The following SLIT3 variants were observed in gnomAD, a reference collection of about 807,000 sequenced individuals.
The protein encoded by SLIT3 is slit guidance ligand 3.
In SLIT3, 68 loss-of-function variants were observed where a neutral mutation model predicts 184.0. The observed-to-expected ratio is 0.37, with a 90% CI of 0.30 to 0.45. The LOEUF is 0.45. Among genes scored for constraint, SLIT3 ranks in the 20% least tolerant of loss-of-function variants. The probability of loss-of-function intolerance (pLI) is 1.00; values close to 1 mark genes in which losing one functional copy is unlikely to be tolerated. For synonymous variants in SLIT3, 831 were observed against 828.6 expected (o/e 1.00, Z -0.05); for missense variants, 1,707 against 2,026.0 (o/e 0.84, Z 3.02).
intron 4 of SLIT3, among the ~76,000 whole-genome samples, chr5:168,948,098 T>C (rs9313432): frequency 0.02 from 2,979 of 151,594 alleles, 109 homozygotes; most frequent in African/African-American, 0.068. Flanking sequence ...GGCCAAGTTG[T>C]TTTTATTATT....
chr5:169,042,864 G>A (rs1389817060), intron 4 of SLIT3, among the ~76,000 whole-genome samples: 1 of 152,066 alleles, frequency 6.6e-6, no homozygotes, highest in Non-Finnish European at 1.5e-5. Context: ...AAGAAAAACT[G>A]GAAACGATCT....
rs757795227 is a variant in SLIT3 at position 168,762,663 on chromosome 5, T to C, written c.1486A>G (p.Ser496Gly). 1.9e-6 allele frequency: 3 copies of C among 1,614,004 alleles called. No homozygotes were observed. Among genetic ancestry groups the C allele is most frequent in the Non-Finnish European group, 2.5e-6 (3 of 1,179,956 alleles). The change falls in exon 15 of 36, where the codon AGC becomes GGC. Residue 496 changes from serine (S) to glycine (G), a missense_variant. Transcript: ENST00000519560. Reference protein sequence around the residue: ...SGSEDYRSRFSSECFMDLVCP... With the variant: ...SGSEDYRSRFGSECFMDLVCP... ...ACGAGGTCCATGAAGCACTCGCTGC[T>C]GAACCTGCTGCGGTAATCCTCGGAG...
chr5:169,033,953 C>T lies in SLIT3; in HGVS notation c.414-150617G>A, dbSNP rs575420166. Among the ~76,000 whole-genome samples, 144 of 151,984 alleles carry T rather than the reference C, an allele frequency of 9.5e-4. 1 individual carries two copies. Among genetic ancestry groups the T allele is most frequent in the Admixed American group, 1.6e-3 (24 of 15,256 alleles). On this transcript the variant is annotated intron_variant, in intron 4 of 35. Coordinates refer to ENST00000519560, the MANE Select transcript of SLIT3 (RefSeq NM_003062.4). The stretch of plus-strand genomic sequence containing the variant: ...TCAGCCTCCCGAGTAGCTGGGACTA[C>T]AGGTGTCCACCACCACGCCCGGCTA...
At chr5:168,737,476 CATGCAT>C (rs1165317692) in intron 20 of SLIT3, among the ~76,000 whole-genome samples, 2 of 152,170 alleles carry the variant, frequency 1.3e-5, no homozygotes, top group African/African-American at 4.8e-5. Context: ...CACACATGCA[CATGCAT>C]ATGCACACTG....
intron 5 of SLIT3, among the ~76,000 whole-genome samples, chr5:168,845,103 G>A (rs1758411449): frequency 6.6e-6 from 1 of 151,978 alleles, no homozygotes; most frequent in East Asian, 1.9e-4. Context: ...CCTTTTACTG[G>A]AAGTTGCAGT....
chr5:168,669,332 C>A (rs1761158563), intron 35 of SLIT3, among the ~76,000 whole-genome samples: 1 of 152,214 alleles, frequency 6.6e-6, no homozygotes, highest in South Asian at 2.1e-4. Flanking sequence ...CTCAAAGAGC[C>A]TGTGTAGTGA....
intron 12 of SLIT3, among the ~76,000 whole-genome samples, chr5:168,776,083 C>T (rs896677734): frequency 2.6e-5 from 4 of 152,220 alleles, no homozygotes; most frequent in Admixed American, 2.0e-4. Flanking sequence ...GGTTCAGCCC[C>T]TCCCTGGTGG....
rs56974958 is a variant in SLIT3 at position 168,828,658 on chromosome 5, C to CAAAAAAAAAAAAAAAAAA, written c.558-5328_558-5327insTTTTTTTTTTTTTTTTTT. ...TGGGTGACAGAGTGAGATCCTGACT[C>CAAAAAAAAAAAAAAAAAA]AAAAAAAAAAAAGAAAAAAGAAAAA... is the stretch of plus-strand genomic sequence containing the variant. On this transcript the variant is annotated intron_variant, in intron 6 of 35. Transcript: ENST00000519560. Among the ~76,000 whole-genome samples, 179 of 97,012 alleles carry CAAAAAAAAAAAAAAAAAA rather than the reference C, an allele frequency of 1.8e-3. 5 individuals carry two copies. Among genetic ancestry groups the CAAAAAAAAAAAAAAAAAA allele is most frequent in the South Asian group, 5.0e-3 (12 of 2,418 alleles). 63.6% of individuals were successfully genotyped at this position (97,012 alleles called of 152,430 possible).
At chr5:168,865,880 T>C (rs577664958) in intron 5 of SLIT3, among the ~76,000 whole-genome samples, 1 of 152,354 alleles carries the variant, frequency 6.6e-6, no homozygotes, top group East Asian at 1.9e-4. Flanking sequence ...TTGGAATATA[T>C]GATTTGATAA....
At chr5:169,129,254 T>C (rs1482558179) in intron 4 of SLIT3, among the ~76,000 whole-genome samples, 3 of 152,116 alleles carry the variant, frequency 2.0e-5, no homozygotes, top group Admixed American at 6.5e-5. Context: ...GAGATACTTA[T>C]ATTGATAGTT....
At chr5:168,787,244 G>A (rs116331377) in intron 11 of SLIT3, among the ~76,000 whole-genome samples, 282 of 152,328 alleles carry the variant, frequency 1.9e-3, no homozygotes, top group African/African-American at 6.0e-3. Flanking sequence ...CTGTCTGCCC[G>A]TGTCAGCTGA....
At chr5:168,835,596 G>T (rs1167892191) in intron 6 of SLIT3, among the ~76,000 whole-genome samples, 1 of 152,006 alleles carries the variant, frequency 6.6e-6, no homozygotes. Context: ...ATCACTTGAG[G>T]TCAGGAGTTC....
At chr5:168,843,682 G>A (rs563108625) in intron 6 of SLIT3, among the ~76,000 whole-genome samples, 2 of 152,308 alleles carry the variant, frequency 1.3e-5, no homozygotes, top group South Asian at 4.1e-4. Context: ...GACAGAAGTG[G>A]CACAGGTTCT....
chr5:169,182,458 A>G (rs1488758366), intron 4 of SLIT3, among the ~76,000 whole-genome samples: 1 of 152,248 alleles, frequency 6.6e-6, no homozygotes, highest in African/African-American at 2.4e-5. Flanking sequence ...AATCCAAGAT[A>G]CTGAGTCCAT....
intron 4 of SLIT3, among the ~76,000 whole-genome samples, chr5:169,008,903 C>T (rs1479505354): frequency 6.6e-6 from 1 of 152,158 alleles, no homozygotes. Context: ...CACATAACCC[C>T]TCCAACTACC....
At chr5:168,796,451 A>G (rs1330325249) in intron 9 of SLIT3, among the ~76,000 whole-genome samples, 1 of 152,076 alleles carries the variant, frequency 6.6e-6, no homozygotes, top group Non-Finnish European at 1.5e-5. Flanking sequence ...GGGGTGATGA[A>G]TGGCACCCTG....
At chr5:168,667,980 T>C (rs1012732170) in intron 35 of SLIT3, among the ~76,000 whole-genome samples, 1 of 152,186 alleles carries the variant, frequency 6.6e-6, no homozygotes, top group Non-Finnish European at 1.5e-5. Flanking sequence ...TGAAATTATT[T>C]CAGAATAAGC....
chr5:169,276,253 C>CT (rs951692156), intron 1 of SLIT3, among the ~76,000 whole-genome samples: 1 of 152,136 alleles, frequency 6.6e-6, no homozygotes, highest in Non-Finnish European at 1.5e-5. Flanking sequence ...GGTCTTCTTT[C>CT]TTTTTTCTCC....
chr5:169,090,846 CT>C (rs1177738703), intron 4 of SLIT3, among the ~76,000 whole-genome samples: 1 of 152,220 alleles, frequency 6.6e-6, no homozygotes, highest in Non-Finnish European at 1.5e-5. Flanking sequence ...AAAGACAGCC[CT>C]GTTCACATCT....
Sources: gnomAD v4.1 joint callset for allele counts (sites outside exome capture counted in the v4.1 genomes callset) on GRCh38, gnomAD v4.1.1 for gene constraint, MANE v1.5 for transcripts, NCBI Gene and HGNC (gene_info 2026-07-23, HGNC 2026-07-21) for gene names.